KDM3A: variants seen among roughly 807,000 people sequenced by gnomAD.
KDM3A encodes the protein lysine demethylase 3A, also known as lysine-specific demethylase 3A.
Under a neutral mutation model 158.0 loss-of-function variants are expected in KDM3A, and 60 were observed. The ratio of observed to expected loss-of-function variants is 0.38; its 90% CI spans 0.31 to 0.47. The LOEUF is 0.47. KDM3A is among the 20% of genes least tolerant of loss of function. The pLI, the probability that KDM3A is intolerant of heterozygous loss-of-function variation, is 0.99. For missense variants in KDM3A, 1,319 were observed against 1,574.3 expected, an observed-to-expected ratio of 0.84 and a Z score of 2.74; for synonymous variants, 608 against 549.3, an observed-to-expected ratio of 1.11 and a Z score of -1.49.
intron 2 of KDM3A, among the ~76,000 whole-genome samples, chr2:86,449,286 A>G (rs559486670): frequency 1.3e-5 from 2 of 152,320 alleles, no homozygotes; most frequent in East Asian, 3.9e-4. Flanking sequence ...ATTCAACTGA[A>G]AGGGATATTG....
chr2:86,484,164 T>G lies in KDM3A; in HGVS notation c.3094+6T>G, dbSNP rs1449744743. On this transcript the variant is annotated splice_donor_region_variant and intron_variant, in intron 19 of 25. Transcript: ENST00000312912. ...TGGATTTGAAGATGTTCCAAGTATG[T>G]ATGAAAGATCTTTTAAGGGGGTTGG... The G allele has an allele frequency of 6.2e-7, 1 of 1,608,618 alleles. No individual in the cohort carries two copies. Among genetic ancestry groups the G allele is most frequent in the East Asian group, 2.2e-5 (1 of 44,638 alleles).
chr2:86,476,475 C>T (rs1673664715), intron 12 of KDM3A, among the ~76,000 whole-genome samples: 1 of 152,154 alleles, frequency 6.6e-6, no homozygotes, highest in Admixed American at 6.5e-5. Context: ...TCTTTCTTTT[C>T]TCTGTGACAA....
chr2:86,439,814 TTC>T (rs1355581596), upstream of KDM3A, among the ~76,000 whole-genome samples: 4 of 152,144 alleles, frequency 2.6e-5, no homozygotes, highest in African/African-American at 9.7e-5. Flanking sequence ...ATAAAATCCT[TTC>T]TCTTTTGATA....
At chr2:86,476,525 C>A (rs1673667139) in intron 12 of KDM3A, among the ~76,000 whole-genome samples, 1 of 152,078 alleles carries the variant, frequency 6.6e-6, no homozygotes, top group Non-Finnish European at 1.5e-5. Context: ...GTGAGTGATA[C>A]TGAAATATGC....
rs1558625440 is a variant in KDM3A at position 86,477,984 on chromosome 2, G to A, written c.2047G>A (p.Val683Ile). Residue 683 changes from valine (V) to isoleucine (I), a missense_variant, in exon 13 of 26, where the codon GTA becomes ATA. This residue lies in a region of KDM3A where 113 missense variants were observed against 190.5 expected (regional missense o/e 0.59). Transcript: ENST00000312912. ...HWVCPRCGFG[V>I]CVDCYRMKRK... ...GGTGTGTCCTCGGTGTGGGTTTGGA[G>A]TATGTGTGGACTGCTACCGGATGAA... is the stretch of plus-strand genomic sequence containing the variant. The A allele has an allele frequency of 6.2e-7, 1 of 1,614,188 alleles. No individual in the cohort carries two copies. Among genetic ancestry groups the A allele is most frequent in the Admixed American group, 1.7e-5 (1 of 60,028 alleles).
chr2:86,463,215 A>G (rs1283622059), intron 8 of KDM3A, among the ~76,000 whole-genome samples: 1 of 152,200 alleles, frequency 6.6e-6, no homozygotes, highest in Non-Finnish European at 1.5e-5. Context: ...AGGCAAGACG[A>G]TTGAGAAAGG....
At chr2:86,448,595 C>T (rs367959808) in intron 2 of KDM3A, among the ~76,000 whole-genome samples, 18 of 152,032 alleles carry the variant, frequency 1.2e-4, no homozygotes, top group African/African-American at 4.1e-4. Flanking sequence ...GAGAGAGGCA[C>T]TTTGGTAAGG....
At chr2:86,478,299 T>G (rs764656215) in intron 14 of KDM3A, 34 bp downstream of exon 14, 13 of 1,484,786 alleles carry the variant, frequency 8.8e-6, no homozygotes, top group Admixed American at 1.7e-5. Flanking sequence ...TTCTTTCCCC[T>G]TGTCTTGGTT....
At chr2:86,467,651 A>G (rs532308282) in intron 10 of KDM3A, among the ~76,000 whole-genome samples, 121 of 152,320 alleles carry the variant, frequency 7.9e-4, no homozygotes, top group African/African-American at 2.9e-3. Flanking sequence ...TCAGCATGTC[A>G]AAAGGTTTAG....
chr2:86,471,257 GTATA>G (rs764247411), intron 11 of KDM3A, among the ~76,000 whole-genome samples: 4 of 150,732 alleles, frequency 2.7e-5, no homozygotes, highest in African/African-American at 7.4e-5. Context: ...ATATATGTGT[GTATA>G]TATATGTGTA....
chr2:86,465,865 A>G (rs1477025453), intron 9 of KDM3A, among the ~76,000 whole-genome samples: 1 of 150,544 alleles, frequency 6.6e-6, no homozygotes, highest in Non-Finnish European at 1.5e-5. Flanking sequence ...ATGGAGTTTT[A>G]TCTTTAAAAT....
At chr2:86,450,092 A>G in intron 3 of KDM3A, 130 bp downstream of exon 3, 1 of 957,696 alleles carries the variant, frequency 1.0e-6, no homozygotes. Flanking sequence ...AGCCCTTTTA[A>G]GAACTCTGCA....
chr2:86,450,131 G>A (rs1672381022), intron 3 of KDM3A, among the ~76,000 whole-genome samples, 169 bp downstream of exon 3: 1 of 152,182 alleles, frequency 6.6e-6, no homozygotes, highest in African/African-American at 2.4e-5. Context: ...GACTTTGTTG[G>A]ACCTCGTGTT....
At position 86,442,006 on chromosome 2, in the gene KDM3A, G is replaced by A. The variant is rs755833831; in HGVS notation, c.-30-12G>A. 3 of 1,570,796 alleles carry A rather than the reference G, an allele frequency of 1.9e-6. No homozygotes were observed. Among genetic ancestry groups the A allele is most frequent in the Non-Finnish European group, 2.6e-6 (3 of 1,153,988 alleles). The stretch of plus-strand genomic sequence containing the variant: ...GCCGCCCCCGTCGCATTTTGTTTTT[G>A]TGTTTTTGCAGGGAGGAGCTCTTCC... On this transcript the variant is annotated splice_polypyrimidine_tract_variant and intron_variant, in intron 1 of 25. Coordinates refer to ENST00000312912, the MANE Select transcript of KDM3A (RefSeq NM_018433.6).
chr2:86,491,067 A>G lies in KDM3A; in HGVS notation c.3750+10A>G, dbSNP rs145762456. 7.0e-5 allele frequency: 113 copies of G among 1,613,132 alleles called. No individual in the cohort carries two copies. The African/African-American group carries it at 1.5e-3, about 21-fold the overall frequency. ...AGGAGCTCCACATCAGGCAAGAATC[A>G]TTACTTTTTCTTTAATCTCTTTATG... On this transcript the variant is annotated intron_variant, in intron 24 of 25. Transcript: ENST00000312912.
upstream of KDM3A, chr2:86,440,579 T>G (rs1682641744): frequency 6.6e-6 from 1 of 152,118 alleles, no homozygotes; most frequent in African/African-American, 2.4e-5. Flanking sequence ...AATCCCACTT[T>G]GGAGAAAAAA....
chr2:86,484,839 CATATT>C (rs1558630977), intron 19 of KDM3A, 98 bp from the exon 20 acceptor site: 15 of 624,236 alleles, frequency 2.4e-5, no homozygotes, highest in Non-Finnish European at 3.9e-5. Context: ...TTTGCAGAGA[CATATT>C]TTATTTGTAT....
At chr2:86,437,525 G>A (rs1027264188), upstream of KDM3A, among the ~76,000 whole-genome samples, 26 of 152,188 alleles carry the variant, frequency 1.7e-4, no homozygotes, top group Admixed American at 7.8e-4. Context: ...GAAATATGTC[G>A]ATCACAAACT....
Position 86,470,275 on chromosome 2 carries a change from G to A in KDM3A, c.1591G>A (p.Val531Ile), listed in dbSNP as rs576237237. 1.1e-5 allele frequency: 18 copies of A among 1,613,968 alleles called. No homozygotes were observed. The highest frequency in any genetic ancestry group is 1.6e-4 in the Middle Eastern group (1 of 6,076). ...GCTGCAACAGAGTGGCGAGGCCTTCGTACAGGATGATTCTTGTGTGAACAT... is the reference window on the plus strand; with the variant it reads ...GCTGCAACAGAGTGGCGAGGCCTTCATACAGGATGATTCTTGTGTGAACAT... ...KKLQQSGEAF[V>I]QDDSCVNIVA... Residue 531 changes from valine (V) to isoleucine (I), a missense_variant, in exon 11 of 26, where the codon GTA (valine) becomes ATA (isoleucine). Coordinates refer to ENST00000312912, the MANE Select transcript of KDM3A (RefSeq NM_018433.6).
Sources: allele counts gnomAD v4.1 joint callset (sites outside exome capture counted in the v4.1 genomes callset), GRCh38; gene constraint gnomAD v4.1.1; regional missense constraint gnomAD v4.1.1; transcripts MANE v1.5; gene names NCBI Gene and HGNC (gene_info 2026-07-23, HGNC 2026-07-21).